PLPPR1: variants seen among roughly 807,000 people sequenced by gnomAD.
PLPPR1 encodes phospholipid phosphatase related 1, also known as phospholipid phosphatase-related protein type 1.
A neutral mutation model predicts 33.1 loss-of-function variants in PLPPR1; 10 were observed. The observed-to-expected ratio is 0.30, with a 90% CI of 0.19 to 0.51. The LOEUF is 0.51. Ranked by LOEUF, PLPPR1 falls within the 20% of genes least tolerant of loss-of-function variation. The pLI, the probability that PLPPR1 is intolerant of heterozygous loss-of-function variation, is 0.97. For synonymous variants in PLPPR1, 151 were observed against 151.0 expected (o/e 1.00, Z 0.00); for missense variants, 304 against 408.1 (o/e 0.74, Z 2.20).
At chr9:101,091,004 C>T (rs912544704) in intron 1 of PLPPR1, among the ~76,000 whole-genome samples, 13 of 151,518 alleles carry the variant, frequency 8.6e-5, no homozygotes, top group African/African-American at 3.2e-4. Context: ...CACTGTTCCT[C>T]TGCTTGGTAG....
At chr9:101,199,722 T>C (rs1275215911) in intron 2 of PLPPR1, among the ~76,000 whole-genome samples, 1 of 152,210 alleles carries the variant, frequency 6.6e-6, no homozygotes, top group Non-Finnish European at 1.5e-5. Context: ...TAGAGATCTT[T>C]ATCTCTGAGG....
At chr9:101,310,854 CCCA>C (rs1346384495) in intron 5 of PLPPR1, among the ~76,000 whole-genome samples, 1 of 152,044 alleles carries the variant, frequency 6.6e-6, no homozygotes, top group African/African-American at 2.4e-5. Context: ...TTCAGCTGTC[CCCA>C]CATTAAAGAA....
At chr9:101,100,047 C>G (rs1399429930) in intron 1 of PLPPR1, among the ~76,000 whole-genome samples, 1 of 151,884 alleles carries the variant, frequency 6.6e-6, no homozygotes, top group Non-Finnish European at 1.5e-5. Flanking sequence ...TTCTTTCTTT[C>G]TTTTTCTGAC....
intron 1 of PLPPR1, 38 bp from the exon 2 acceptor site, chr9:101,185,412 A>G: frequency 2.6e-6 from 2 of 764,712 alleles, no homozygotes; most frequent in Non-Finnish European, 4.4e-6. Flanking sequence ...ACTTCTCAAT[A>G]TATGGTTCTT....
intron 2 of PLPPR1, among the ~76,000 whole-genome samples, chr9:101,199,819 T>C (rs1826462236): frequency 6.6e-6 from 1 of 152,208 alleles, no homozygotes; most frequent in Non-Finnish European, 1.5e-5. Flanking sequence ...GACCACCTGC[T>C]TTGGAGTGAT....
At chr9:101,280,275 A>G (rs1033090662) in intron 3 of PLPPR1, among the ~76,000 whole-genome samples, 1 of 152,156 alleles carries the variant, frequency 6.6e-6, no homozygotes, top group African/African-American at 2.4e-5. Context: ...ATAACAAGTA[A>G]TAAGATCAAA....
At chr9:101,100,395 T>G (rs552893205) in intron 1 of PLPPR1, among the ~76,000 whole-genome samples, 17 of 152,216 alleles carry the variant, frequency 1.1e-4, no homozygotes, top group Admixed American at 9.2e-4. Context: ...AGGTTTTACC[T>G]TCTAATTACT....
At chr9:101,174,092 G>T (rs1365167984) in intron 1 of PLPPR1, among the ~76,000 whole-genome samples, 1 of 152,086 alleles carries the variant, frequency 6.6e-6, no homozygotes, top group Admixed American at 6.6e-5. Context: ...GGAGGTCAAT[G>T]GTGCAAGTGA....
intron 2 of PLPPR1, among the ~76,000 whole-genome samples, chr9:101,242,641 A>C (rs1827498288): frequency 6.6e-6 from 1 of 152,058 alleles, no homozygotes; most frequent in Admixed American, 6.6e-5. Context: ...ATCACCCTAC[A>C]GAAAAGCAGA....
intron 1 of PLPPR1, chr9:101,125,602 C>G (rs1831236074): frequency 1.8e-6 from 1 of 548,196 alleles, no homozygotes; most frequent in African/African-American, 1.9e-5. Flanking sequence ...TTGCAAATTT[C>G]CACTCCACAT....
At chr9:101,238,040 T>C (rs1300219963) in intron 2 of PLPPR1, among the ~76,000 whole-genome samples, 1 of 134,866 alleles carries the variant, frequency 7.4e-6, no homozygotes, top group African/African-American at 2.7e-5. Flanking sequence ...CAGAGAAATG[T>C]GTATATATAT....
chr9:101,133,348 A>T (rs1422284847), intron 1 of PLPPR1, among the ~76,000 whole-genome samples: 3 of 152,194 alleles, frequency 2.0e-5, no homozygotes, highest in Non-Finnish European at 4.4e-5. Flanking sequence ...GCTGTAATTA[A>T]ATCATTAAAG....
chr9:101,151,182 C>G (rs1428771250), intron 1 of PLPPR1, among the ~76,000 whole-genome samples: 3 of 151,988 alleles, frequency 2.0e-5, no homozygotes, highest in African/African-American at 7.2e-5. Flanking sequence ...AGTCTATAAA[C>G]TAGATAACAC....
Position 101,203,558 on chromosome 9 carries a change from T to C in PLPPR1, c.63+18001T>C, listed in dbSNP as rs544129142. 1.2e-4 allele frequency among the ~76,000 whole-genome samples: 19 copies of C among 152,188 alleles called. No individual in the cohort carries two copies. In the East Asian group the frequency reaches 3.5e-3, roughly 28 times the overall value. On this transcript the variant is annotated intron_variant, in intron 2 of 7. Coordinates refer to ENST00000374874, the MANE Select transcript of PLPPR1 (RefSeq NM_207299.2). ...AGGTTTCTTCCAGATTCAAGCATAA[T>C]GATCCTATGAAATAAGGCAATGGGA...
intron 1 of PLPPR1, among the ~76,000 whole-genome samples, chr9:101,071,781 A>G (rs1407670381): frequency 6.6e-6 from 1 of 152,160 alleles, no homozygotes; most frequent in Non-Finnish European, 1.5e-5. Context: ...CAATCTAAAT[A>G]CTATGTCAGG....
At chr9:101,287,208 A>C (rs1175137790) in intron 4 of PLPPR1, among the ~76,000 whole-genome samples, 1 of 152,234 alleles carries the variant, frequency 6.6e-6, no homozygotes, top group Non-Finnish European at 1.5e-5. Flanking sequence ...CTTAACATTA[A>C]AATAGTCTCA....
At chr9:101,301,175 A>G (rs1828744892) in intron 4 of PLPPR1, among the ~76,000 whole-genome samples, 1 of 152,224 alleles carries the variant, frequency 6.6e-6, no homozygotes, top group Non-Finnish European at 1.5e-5. Flanking sequence ...TGACAAATAC[A>G]GGGTATTTTT....
chr9:101,256,147 GTAT>G (rs1285919804), intron 2 of PLPPR1, among the ~76,000 whole-genome samples: 1 of 152,090 alleles, frequency 6.6e-6, no homozygotes, highest in Non-Finnish European at 1.5e-5. Context: ...AGCAACTCTT[GTAT>G]TATTATCCTT....
chr9:101,297,720 C>T (rs1329367544), intron 4 of PLPPR1, among the ~76,000 whole-genome samples: 3 of 152,152 alleles, frequency 2.0e-5, no homozygotes, highest in African/African-American at 4.8e-5. Context: ...ACAAATTTTA[C>T]CTGTACTTTA....
Sources: allele counts gnomAD v4.1 joint callset (sites outside exome capture counted in the v4.1 genomes callset), GRCh38; gene constraint gnomAD v4.1.1; transcripts MANE v1.5; gene names NCBI Gene and HGNC (gene_info 2026-07-23, HGNC 2026-07-21).